PDE4D: variants seen among roughly 807,000 people sequenced by gnomAD.
The protein encoded by PDE4D is 3',5'-cyclic-AMP phosphodiesterase 4D.
In PDE4D, 24 loss-of-function variants were observed where a neutral mutation model predicts 87.4. The observed-to-expected ratio is 0.27, with a 90% CI of 0.20 to 0.39. PDE4D has a LOEUF of 0.39. Among genes scored for constraint, PDE4D ranks in the 10% least tolerant of loss-of-function variants. PDE4D has a pLI of 1.00. For synonymous variants in PDE4D, 384 were observed against 383.2 expected (o/e 1.00, Z -0.02); for missense variants, 714 against 1,041.0 (o/e 0.69, Z 4.32).
At chr5:59,020,227 C>A (rs1237803188) in intron 6 of PDE4D, among the ~76,000 whole-genome samples, 4 of 152,146 alleles carry the variant, frequency 2.6e-5, no homozygotes, top group African/African-American at 9.7e-5. Context: ...GTAATCCCAG[C>A]ACTTTGGAAA....
intron 5 of PDE4D, among the ~76,000 whole-genome samples, chr5:59,122,015 G>A (rs13182805): frequency 5.3e-5 from 8 of 151,550 alleles, no homozygotes; most frequent in Non-Finnish European, 2.9e-5. Flanking sequence ...GGTGGCACTC[G>A]CCTGTAGTCC....
At chr5:59,567,018 T>C (rs946357292) in intron 1 of PDE4D, among the ~76,000 whole-genome samples, 6 of 152,202 alleles carry the variant, frequency 3.9e-5, no homozygotes, top group African/African-American at 1.2e-4. Flanking sequence ...ATTTTTACAT[T>C]ACATGTTTTC....
chr5:59,490,178 G>A (rs945203520), intron 1 of PDE4D, among the ~76,000 whole-genome samples: 5 of 152,028 alleles, frequency 3.3e-5, no homozygotes, highest in Non-Finnish European at 7.4e-5. Context: ...AGCAACTGTG[G>A]AGTAAGTATC....
chr5:60,283,381 T>C (rs920379230), intron 1 of PDE4D, among the ~76,000 whole-genome samples: 2 of 152,196 alleles, frequency 1.3e-5, no homozygotes, highest in Non-Finnish European at 2.9e-5. Context: ...TACTTTTTTG[T>C]TACAAATGTT....
At chr5:60,273,900 G>A (rs537404378) in intron 1 of PDE4D, among the ~76,000 whole-genome samples, 135 of 152,280 alleles carry the variant, frequency 8.9e-4, no homozygotes, top group Middle Eastern at 3.4e-3. Context: ...ATCTGGCCTG[G>A]CCACGGAGTG....
In PDE4D at chr5:59,445,231, A is replaced by G. The variant is rs551557585; in HGVS notation, c.456-229263T>C. ...GAAAAAACCTAGGTTTTATTTACCAATGTATGCCTATATTTAAATCAAGAT... is the reference window on the plus strand; with the variant it reads ...GAAAAAACCTAGGTTTTATTTACCAGTGTATGCCTATATTTAAATCAAGAT... On this transcript the variant is annotated intron_variant, in intron 1 of 14. Coordinates refer to ENST00000340635, the MANE Select transcript of PDE4D (RefSeq NM_001104631.2). Among the ~76,000 whole-genome samples the G allele has an allele frequency of 3.3e-5, 5 of 152,352 alleles. No homozygotes were observed. In the East Asian group the frequency reaches 7.7e-4, roughly 23 times the overall value.
chr5:59,971,550 A>G (rs1399854190), intron 3 of PDE4D, among the ~76,000 whole-genome samples: 1 of 151,502 alleles, frequency 6.6e-6, no homozygotes, highest in East Asian at 1.9e-4. Flanking sequence ...TTAGGAGTCC[A>G]TTGTAAGCCT....
intron 2 of PDE4D, among the ~76,000 whole-genome samples, chr5:60,074,349 T>C (rs1582517712): frequency 6.6e-6 from 1 of 152,214 alleles, no homozygotes; most frequent in African/African-American, 2.4e-5. Context: ...GCAATTTTCT[T>C]AGTCTTGATT....
chr5:60,468,139 T>TTTTTTTTG (rs769174273), intron 1 of PDE4D, among the ~76,000 whole-genome samples: 3,596 of 145,260 alleles, frequency 0.025, 38 homozygotes, highest in Middle Eastern at 0.072. Flanking sequence ...TCTTTTTTCT[T>TTTTTTTTG]TTTTTTTTGT....
chr5:59,530,902 G>A (rs1814094337), intron 1 of PDE4D, among the ~76,000 whole-genome samples: 1 of 152,168 alleles, frequency 6.6e-6, no homozygotes, highest in Admixed American at 6.5e-5. Flanking sequence ...ATGATGTTGA[G>A]TAGATGGTCC....
intron 2 of PDE4D, chr5:60,147,714 C>T (rs1022560335): frequency 2.2e-6 from 1 of 450,736 alleles, no homozygotes; most frequent in Non-Finnish European, 4.5e-6. Flanking sequence ...CAAGTCTCAA[C>T]TGGAGCTAGA....
At chr5:59,122,121 G>A (rs1209684857) in intron 5 of PDE4D, among the ~76,000 whole-genome samples, 6 of 120,180 alleles carry the variant, frequency 5.0e-5, no homozygotes, top group African/African-American at 2.0e-4. Flanking sequence ...CAGCCTGGAT[G>A]ACAGAGCAAG....
At chr5:59,564,860 A>C (rs1351893744) in intron 1 of PDE4D, among the ~76,000 whole-genome samples, 1 of 152,142 alleles carries the variant, frequency 6.6e-6, no homozygotes, top group Non-Finnish European at 1.5e-5. Context: ...GGATGCACAG[A>C]AACTAGGGAT....
chr5:59,156,622 G>A (rs1160237513), intron 5 of PDE4D, among the ~76,000 whole-genome samples: 1 of 151,874 alleles, frequency 6.6e-6, no homozygotes, highest in Admixed American at 6.6e-5. Context: ...TGGGCCCTTG[G>A]TGATTTTAGA....
intron 1 of PDE4D, among the ~76,000 whole-genome samples, chr5:60,382,775 T>C (rs1019725985): frequency 2.0e-5 from 3 of 152,204 alleles, no homozygotes; most frequent in Admixed American, 6.5e-5. Flanking sequence ...TACATGTTTA[T>C]GGCTATCTTT....
At chr5:60,393,029 A>C (rs1428260600) in intron 1 of PDE4D, among the ~76,000 whole-genome samples, 1 of 152,234 alleles carries the variant, frequency 6.6e-6, no homozygotes, top group Non-Finnish European at 1.5e-5. Flanking sequence ...AGGCTGAAAA[A>C]TATGCCCAGT....
chr5:59,836,651 T>TATCTATC (rs1554095526), intron 1 of PDE4D, among the ~76,000 whole-genome samples: 11 of 151,206 alleles, frequency 7.3e-5, no homozygotes, highest in Non-Finnish European at 1.3e-4. Context: ...TCTATCTATC[T>TATCTATC]ATCTATCATC....
chr5:59,314,733 T>C (rs1773358482), intron 1 of PDE4D: 2 of 152,330 alleles, frequency 1.3e-5, no homozygotes, highest in African/African-American at 2.4e-5. Flanking sequence ...TCTGGAACTC[T>C]GTAAAATCTG....
At chr5:60,089,153 A>C (rs1774839380) in intron 2 of PDE4D, among the ~76,000 whole-genome samples, 1 of 152,042 alleles carries the variant, frequency 6.6e-6, no homozygotes, top group Non-Finnish European at 1.5e-5. Context: ...AAATCAACAA[A>C]GAAACATCAG....
Sources: gnomAD v4.1 joint callset for allele counts (sites outside exome capture counted in the v4.1 genomes callset) on GRCh38, gnomAD v4.1.1 for gene constraint, MANE v1.5 for transcripts, NCBI Gene and HGNC (gene_info 2026-07-23, HGNC 2026-07-21) for gene names.